Variants in USP7 observed in about 807,000 individuals in gnomAD.
USP7 encodes ubiquitin specific peptidase 7, also known as ubiquitin C-terminal hydrolase 7.
Under a neutral mutation model 162.9 loss-of-function variants are expected in USP7, and 9 were observed. That is an observed-to-expected ratio of 0.06 (90% CI 0.03 to 0.10). The LOEUF is 0.10. USP7 is among the 10% of genes least tolerant of loss of function. The pLI, the probability that USP7 is intolerant of heterozygous loss-of-function variation, is 1.00. For missense variants in USP7, 715 were observed against 1,373.7 expected, an observed-to-expected ratio of 0.52 and a Z score of 7.58; for synonymous variants, 562 against 475.9, an observed-to-expected ratio of 1.18 and a Z score of -2.35.
At chr16:8,908,808 GA>G (rs970652195) in intron 11 of USP7, among the ~76,000 whole-genome samples, 1 of 152,192 alleles carries the variant, frequency 6.6e-6, no homozygotes, top group Non-Finnish European at 1.5e-5. Context: ...GAGAACCACA[GA>G]AAAATCATTA....
chr16:8,898,259 G>C, intron 25 of USP7, 101 bp downstream of exon 25: 1 of 991,518 alleles, frequency 1.0e-6, no homozygotes, highest in East Asian at 2.4e-5. Context: ...GTTGTTTAGA[G>C]TGTTTTTCTG....
At chr16:8,927,904 G>A (rs1056153381) in intron 2 of USP7, among the ~76,000 whole-genome samples, 3 of 152,142 alleles carry the variant, frequency 2.0e-5, no homozygotes, top group African/African-American at 7.2e-5. Flanking sequence ...CAACACATTG[G>A]GAGGCCAAGG....
intron 8 of USP7, among the ~76,000 whole-genome samples, chr16:8,915,961 CA>C (rs760007496): frequency 2.0e-4 from 30 of 152,342 alleles, no homozygotes; most frequent in Non-Finnish European, 3.5e-4. Flanking sequence ...AAAGAAAACA[CA>C]CCTTGCCCAG....
intron 1 of USP7, among the ~76,000 whole-genome samples, chr16:8,938,625 T>C (rs866336124): frequency 2.0e-5 from 3 of 151,244 alleles, no homozygotes; most frequent in Non-Finnish European, 4.4e-5. Context: ...GGCAGGAGAA[T>C]GGCATGAACC....
At chr16:8,911,656 G>A (rs893708867) in intron 10 of USP7, among the ~76,000 whole-genome samples, 1 of 152,224 alleles carries the variant, frequency 6.6e-6, no homozygotes, top group African/African-American at 2.4e-5. Context: ...CCCGGAGAAG[G>A]CAAACCCAGA....
At chr16:8,951,062 C>G (rs919744111) in intron 1 of USP7, among the ~76,000 whole-genome samples, 3 of 152,192 alleles carry the variant, frequency 2.0e-5, no homozygotes, top group African/African-American at 7.2e-5. Context: ...ACGCAGAAAA[C>G]TAAGATAAAA....
Position 8,949,123 on chromosome 16 carries a change from C to G in USP7, c.79+14084G>C, listed in dbSNP as rs573763134. ...ACACAATTGTGAATACTAAAAACCA[C>G]TGAACCCACTTTAAATGGGTGAATT... On this transcript the variant is annotated intron_variant, in intron 1 of 30. Coordinates refer to ENST00000344836, the MANE Select transcript of USP7 (RefSeq NM_003470.3). 2.6e-5 allele frequency among the ~76,000 whole-genome samples: 4 copies of G among 152,362 alleles called. No homozygotes were observed. The East Asian group carries it at 7.7e-4, about 29-fold the overall frequency.
chr16:8,924,513 A>T (rs1897884453), intron 2 of USP7, among the ~76,000 whole-genome samples: 2 of 152,244 alleles, frequency 1.3e-5, no homozygotes, highest in African/African-American at 4.8e-5. Context: ...CTATTTTGAC[A>T]TCCCTGACCA....
intron 2 of USP7, among the ~76,000 whole-genome samples, chr16:8,924,516 C>T (rs1897884769): frequency 6.6e-6 from 1 of 152,242 alleles, no homozygotes; most frequent in Non-Finnish European, 1.5e-5. Context: ...TTTTGACATC[C>T]CTGACCACCA....
chr16:8,894,644 A>G lies in USP7; in HGVS notation c.3112-4T>C, dbSNP rs199887318. 1.2e-6 allele frequency: 2 copies of G among 1,612,940 alleles called. No homozygotes were observed. Among genetic ancestry groups the G allele is most frequent in the South Asian group, 1.1e-5 (1 of 90,944 alleles). Reference sequence around the variant, plus strand: ...TCATTACAATTGCAAATTTAAACTAAAAGAAAAAAAATTAAAACTCCTCCG... The same window carrying G: ...TCATTACAATTGCAAATTTAAACTAGAAGAAAAAAAATTAAAACTCCTCCG... On this transcript the variant is annotated splice_region_variant and splice_polypyrimidine_tract_variant and intron_variant, in intron 29 of 30. Transcript: ENST00000344836.
chr16:8,934,723 C>T (rs967500648), intron 1 of USP7, among the ~76,000 whole-genome samples: 1 of 152,168 alleles, frequency 6.6e-6, no homozygotes, highest in Admixed American at 6.5e-5. Context: ...CTGACAGGTG[C>T]AGAGAAAGTG....
At chr16:8,900,321 AT>A (rs2061754534) in intron 21 of USP7, among the ~76,000 whole-genome samples, 2 of 152,218 alleles carry the variant, frequency 1.3e-5, no homozygotes, top group South Asian at 4.1e-4. Context: ...ATTTTAAGGA[AT>A]TTTTAAGAAA....
In USP7 at chr16:8,922,720, T is replaced by C. The variant is rs142175890; in HGVS notation, c.383+495A>G. Among the ~76,000 whole-genome samples the C allele has an allele frequency of 4.8e-4, 73 of 152,336 alleles. 1 individual carries two copies. In the East Asian group the frequency reaches 0.011, roughly 23 times the overall value. The stretch of plus-strand genomic sequence containing the variant: ...GAATTAATTTTCTAATTCATCTAAA[T>C]AGAAGGACCATCAAGATTTCTCAGT... On this transcript the variant is annotated intron_variant, in intron 3 of 30. Coordinates refer to ENST00000344836, the MANE Select transcript of USP7 (RefSeq NM_003470.3).
intron 18 of USP7, 190 bp downstream of exon 18, chr16:8,901,892 G>A (rs1048681300): frequency 1.8e-5 from 11 of 596,344 alleles, no homozygotes; most frequent in Admixed American, 9.2e-5. Context: ...TACTGTCTCC[G>A]GGCCTCACAG....
Position 8,894,468 on chromosome 16 carries a change from T to C in USP7, c.3202+82A>G, listed in dbSNP as rs541573568. ...AGAGAGAGGAGCTGGCACTTGACCC[T>C]GGGGCTGCCCCTCCCAGCCCCAGAC... On this transcript the variant is annotated intron_variant, in intron 30 of 30. Coordinates refer to ENST00000344836, the MANE Select transcript of USP7 (RefSeq NM_003470.3). 4.9e-6 allele frequency: 7 copies of C among 1,437,548 alleles called. No homozygotes were observed. The South Asian group carries it at 8.5e-5, about 17-fold the overall frequency. The allele number at this position is 1,437,548 out of a possible 1,614,324, so 89.0% of individuals were successfully genotyped here.
Position 8,963,876 on chromosome 16 carries a change from C to T in USP7, c.-591G>A, listed in dbSNP as rs1413405673. Among the ~76,000 whole-genome samples, 1 of 146,916 alleles carries T rather than the reference C, an allele frequency of 6.8e-6. No individual in the cohort carries two copies. The highest frequency in any genetic ancestry group is 2.4e-5 in the African/African-American group (1 of 41,032). On this transcript the variant is annotated 5_prime_UTR_variant, in exon 1 of 31. Transcript: ENST00000344836. ...CGGCGCCCGGCAGCTCGGCTCGGCT[C>T]GCTCTCAAAATGGCGGCGGCGTGAA...
intron 1 of USP7, among the ~76,000 whole-genome samples, chr16:8,949,891 T>C (rs892149215): frequency 6.6e-6 from 1 of 152,220 alleles, no homozygotes; most frequent in Non-Finnish European, 1.5e-5. Flanking sequence ...AATGCTTGGC[T>C]TTCCATATTC....
intron 22 of USP7, 80 bp downstream of exon 22, chr16:8,899,524 C>T (rs1291265566): frequency 6.4e-7 from 1 of 1,552,046 alleles, no homozygotes; most frequent in African/African-American, 1.4e-5. Context: ...CATGAGATAG[C>T]TTCTTCAACA....
chr16:8,926,111 G>C (rs945838703), intron 2 of USP7, among the ~76,000 whole-genome samples: 2 of 150,278 alleles, frequency 1.3e-5, no homozygotes, highest in Non-Finnish European at 3.0e-5. Context: ...CTGAGATCGC[G>C]CCACTGCACT....
Sources: gnomAD v4.1 joint callset for allele counts (sites outside exome capture counted in the v4.1 genomes callset) on GRCh38, gnomAD v4.1.1 for gene constraint, MANE v1.5 for transcripts, NCBI Gene and HGNC (gene_info 2026-07-23, HGNC 2026-07-21) for gene names.